KIF3C: variants seen among roughly 807,000 people sequenced by gnomAD.
The protein encoded by KIF3C is kinesin-like protein KIF3C.
KIF3C carries 12 observed loss-of-function variants against 67.7 expected under a neutral mutation model. That is an observed-to-expected ratio of 0.18 (90% CI 0.11 to 0.29). The LOEUF is 0.29. Among genes scored for constraint, KIF3C ranks in the 10% least tolerant of loss-of-function variants. The probability of loss-of-function intolerance (pLI) is 1.00; values close to 1 mark genes in which losing one functional copy is unlikely to be tolerated. For missense variants in KIF3C, 789 were observed against 1,059.6 expected (o/e 0.74, Z 3.55); for synonymous variants, 393 against 426.2 (o/e 0.92, Z 0.96).
chr2:25,947,497 C>T (rs1215900106), intron 5 of KIF3C, among the ~76,000 whole-genome samples: 1 of 151,562 alleles, frequency 6.6e-6, no homozygotes, highest in African/African-American at 2.4e-5. Flanking sequence ...AGGAGAATGG[C>T]GTGAACCCGG....
chr2:25,980,848 C>T lies in KIF3C; in HGVS notation c.1070G>A (p.Arg357His). The change falls in exon 1 of 8, where the codon CGC (arginine) becomes CAC (histidine). Residue 357 changes from arginine (R) to histidine (H), a missense_variant. Arg to His is a conservative substitution (Grantham distance 29). Around this residue, in one of 2 missense-constraint regions of KIF3C, gnomAD observed 648 missense variants for 807.8 expected, o/e 0.80. Coordinates refer to ENST00000264712, the MANE Select transcript of KIF3C (RefSeq NM_002254.8). This position sits in a 1 kb window ranked among gnomAD's most constrained non-coding sequence, Gnocchi z 7.6. The stretch of plus-strand genomic sequence containing the variant: ...GATGTTCTTGGCTCGGTTGGCAAAG[C>T]GCAAGGTGGAGAGGCTCTCATCGTA... ...HSYDESLSTL[R>H]FANRAKNIKN... 3 of 1,614,188 alleles carry T rather than the reference C, an allele frequency of 1.9e-6. No individual in the cohort carries two copies. The highest frequency in any genetic ancestry group is 1.3e-5 in the African/African-American group (1 of 75,042).
chr2:25,963,027 A>AAT (rs1553715967), intron 1 of KIF3C, among the ~76,000 whole-genome samples: 11 of 54,114 alleles, frequency 2.0e-4, no homozygotes, highest in South Asian at 1.2e-3. Context: ...TATAATATAT[A>AAT]ATATATAATA....
At chr2:25,967,751 G>A (rs749084329) in intron 1 of KIF3C, among the ~76,000 whole-genome samples, 9 of 152,186 alleles carry the variant, frequency 5.9e-5, no homozygotes, top group African/African-American at 1.7e-4. Context: ...CCTTGAGCCC[G>A]GGAGGTGGAG....
rs138510985 is a variant in KIF3C, at chr2:25,966,249, G to A, written c.1546-9805C>T. Among the ~76,000 whole-genome samples, 959 of 152,190 alleles carry A rather than the reference G, an allele frequency of 6.3e-3. 8 individuals are homozygous for A. The highest frequency in any genetic ancestry group is 0.022 in the African/African-American group (919 of 41,514). On this transcript the variant is annotated intron_variant, in intron 1 of 7. Transcript: ENST00000264712. ...GCCTCCTAAGTAACTGGAACTACAG[G>A]TGCCTGCCACCACGCCCAGCTAGCT...
intron 5 of KIF3C, among the ~76,000 whole-genome samples, chr2:25,941,615 AGGTGT>A (rs1451899798): frequency 2.6e-5 from 4 of 151,862 alleles, no homozygotes; most frequent in Non-Finnish European, 5.9e-5. Flanking sequence ...AGTCTAGGCC[AGGTGT>A]GGTGGCTCAC....
intron 5 of KIF3C, among the ~76,000 whole-genome samples, chr2:25,936,652 G>A (rs964155804): frequency 6.6e-6 from 1 of 152,130 alleles, no homozygotes; most frequent in African/African-American, 2.4e-5. Context: ...ATGGATCCAG[G>A]AATGGAAGTG....
At chr2:25,936,106 A>C (rs865980276) in intron 5 of KIF3C, among the ~76,000 whole-genome samples, 9 of 152,148 alleles carry the variant, frequency 5.9e-5, no homozygotes, top group Admixed American at 2.0e-4. Context: ...AAACAAAACA[A>C]AACAAAACAA....
Position 25,927,365 on chromosome 2 carries a change from T to A in KIF3C, c.*1613A>T, listed in dbSNP as rs1169709343. On this transcript the variant is annotated 3_prime_UTR_variant, in exon 8 of 8. Coordinates refer to ENST00000264712, the MANE Select transcript of KIF3C (RefSeq NM_002254.8). ...TCGAACCTCTGATCTGAATCCTGAG[T>A]CTCAAATAATCTCTTGGGCTCTGAT... 6.6e-6 allele frequency: 1 copy of A among 152,490 alleles called. No individual in the cohort carries two copies. The highest frequency in any genetic ancestry group is 1.5e-5 in the Non-Finnish European group (1 of 68,034). 9.4% of individuals were successfully genotyped at this position (152,490 alleles called of 1,614,324 possible). A position where few individuals can be genotyped will look rare whatever the true frequency, so the allele number is the denominator to read the frequency against.
chr2:25,970,977 A>AG, intron 1 of KIF3C, among the ~76,000 whole-genome samples: 1 of 149,206 alleles, frequency 6.7e-6, no homozygotes, highest in Non-Finnish European at 1.5e-5. Flanking sequence ...AAAAAAAAAA[A>AG]AAAAAAAAAA....
At chr2:25,963,051 TATATAA>T (rs1466960548) in intron 1 of KIF3C, among the ~76,000 whole-genome samples, 5 of 82,302 alleles carry the variant, frequency 6.1e-5, no homozygotes, top group Non-Finnish European at 8.8e-5. Context: ...AATATATAAA[TATATAA>T]ATATATATAC....
intron 1 of KIF3C, among the ~76,000 whole-genome samples, chr2:25,963,020 A>ATATAATATATAATATATAAT (rs1242526812): frequency 3.2e-5 from 1 of 31,542 alleles, no homozygotes; most frequent in Non-Finnish European, 4.5e-5. Flanking sequence ...TAATATATAT[A>ATATAATATATAATATATAAT]ATATATAATA....
chr2:25,944,278 C>T (rs1663370090), intron 5 of KIF3C, among the ~76,000 whole-genome samples: 2 of 151,236 alleles, frequency 1.3e-5, no homozygotes, highest in South Asian at 4.2e-4. Flanking sequence ...TATATTAGAG[C>T]ATTCTGTAAT....
chr2:25,968,819 T>C (rs1233447686), intron 1 of KIF3C, among the ~76,000 whole-genome samples: 3 of 151,314 alleles, frequency 2.0e-5, no homozygotes, highest in East Asian at 1.9e-4. Context: ...CAAGGAATCA[T>C]CTTTTTTTTT....
intron 5 of KIF3C, among the ~76,000 whole-genome samples, chr2:25,949,182 G>A (rs1046991650): frequency 6.6e-6 from 1 of 152,154 alleles, no homozygotes; most frequent in Non-Finnish European, 1.5e-5. Context: ...CAAGTGGTTG[G>A]GGGAAAGTTA....
chr2:25,941,995 C>T (rs1272985606), intron 5 of KIF3C, among the ~76,000 whole-genome samples: 1 of 151,942 alleles, frequency 6.6e-6, no homozygotes, highest in Non-Finnish European at 1.5e-5. Context: ...CAAGATGATG[C>T]CATTGCACCC....
chr2:25,945,863 C>T (rs1002225541), intron 5 of KIF3C, among the ~76,000 whole-genome samples: 1 of 151,994 alleles, frequency 6.6e-6, no homozygotes, highest in Non-Finnish European at 1.5e-5. Context: ...TAAATCCTAG[C>T]ACTTTGGAAG....
chr2:25,957,261 T>C (rs903584313), intron 1 of KIF3C, among the ~76,000 whole-genome samples: 2 of 152,160 alleles, frequency 1.3e-5, no homozygotes, highest in East Asian at 3.8e-4. Context: ...CATGCAGCTA[T>C]TGAGTAGCAA....
chr2:25,931,633 T>C (rs1170435394), intron 5 of KIF3C, among the ~76,000 whole-genome samples: 1 of 152,146 alleles, frequency 6.6e-6, no homozygotes, highest in Non-Finnish European at 1.5e-5. Context: ...TCACTTTAGC[T>C]TGTAGCTTTA....
intron 1 of KIF3C, among the ~76,000 whole-genome samples, chr2:25,977,314 A>G (rs1429888751): frequency 6.6e-6 from 1 of 152,160 alleles, no homozygotes; most frequent in Non-Finnish European, 1.5e-5. Flanking sequence ...GAATGAGGGC[A>G]CTGGGTCGCA....
Sources: allele counts gnomAD v4.1 joint callset (sites outside exome capture counted in the v4.1 genomes callset), GRCh38; gene constraint gnomAD v4.1.1; regional missense constraint gnomAD v4.1.1; non-coding constraint Gnocchi (gnomAD v3.1); transcripts MANE v1.5; gene names NCBI Gene and HGNC (gene_info 2026-07-23, HGNC 2026-07-21).